GABRB3: variants seen among roughly 807,000 people sequenced by gnomAD.
GABRB3 encodes gamma-aminobutyric acid receptor subunit beta-3.
In GABRB3, 14 loss-of-function variants were observed where a neutral mutation model predicts 52.1. The ratio of observed to expected loss-of-function variants is 0.27; its 90% CI spans 0.18 to 0.42. The LOEUF is 0.42. Among genes scored for constraint, GABRB3 ranks in the 10% least tolerant of loss-of-function variants. The probability of loss-of-function intolerance (pLI) is 1.00; values close to 1 mark genes in which losing one functional copy is unlikely to be tolerated. For missense variants in GABRB3, 307 were observed against 609.1 expected (o/e 0.50, Z 5.22); for synonymous variants, 260 against 232.3 (o/e 1.12, Z -1.08).
chr15:26,671,244 T>C (rs1450523892), intron 3 of GABRB3, among the ~76,000 whole-genome samples: 1 of 152,226 alleles, frequency 6.6e-6, no homozygotes, highest in Non-Finnish European at 1.5e-5. Flanking sequence ...TAAAATTTTT[T>C]CCATGATAAA....
intron 4 of GABRB3, among the ~76,000 whole-genome samples, chr15:26,593,981 AATAT>A (rs61218096): frequency 0.025 from 3,335 of 133,952 alleles, 138 homozygotes; most frequent in African/African-American, 0.085. Context: ...CTCATTTTAA[AATAT>A]ATATATATAT....
At chr15:26,738,249 A>AT (rs745871709) in intron 3 of GABRB3, among the ~76,000 whole-genome samples, 76 of 152,078 alleles carry the variant, frequency 5.0e-4, no homozygotes, top group Non-Finnish European at 8.1e-4. Flanking sequence ...TGCCTGGCTA[A>AT]TATTTGTATT....
chr15:26,725,911 T>C (rs374663635), intron 3 of GABRB3, among the ~76,000 whole-genome samples: 1 of 152,212 alleles, frequency 6.6e-6, no homozygotes, highest in Non-Finnish European at 1.5e-5. Context: ...AGACAATCTG[T>C]GGTTGTTCAG....
At chr15:26,645,981 CAA>C (rs894560639) in intron 3 of GABRB3, among the ~76,000 whole-genome samples, 6 of 147,940 alleles carry the variant, frequency 4.1e-5, no homozygotes, top group African/African-American at 1.5e-4. Context: ...AAAAAAAAAA[CAA>C]TATATGAAAA....
At chr15:26,728,751 T>C (rs943990933) in intron 3 of GABRB3, among the ~76,000 whole-genome samples, 7 of 152,224 alleles carry the variant, frequency 4.6e-5, no homozygotes, top group African/African-American at 1.4e-4. Flanking sequence ...AGGACTCTCA[T>C]GTTGTTACCT....
rs552593988 is a variant in GABRB3, at chr15:26,755,315, A to AT, written c.240+17086dup. On this transcript the variant is annotated intron_variant, in intron 3 of 8. Transcript: ENST00000311550. The stretch of plus-strand genomic sequence containing the variant: ...CCACCGCACCCGGCCACCCCTAACA[A>AT]TTTTTTTCCCAACTTCTTAGGCCTG... Among the ~76,000 whole-genome samples, 343 of 151,880 alleles carry AT rather than the reference A, an allele frequency of 2.3e-3. 1 individual carries two copies. Among genetic ancestry groups the AT allele is most frequent in the African/African-American group, 8.0e-3 (330 of 41,402 alleles).
chr15:26,646,146 T>C (rs1017114896), intron 3 of GABRB3, among the ~76,000 whole-genome samples: 1 of 152,168 alleles, frequency 6.6e-6, no homozygotes, highest in African/African-American at 2.4e-5. Context: ...CATGCATCCA[T>C]GACTGCAGTC....
At chr15:26,627,020 G>C (rs1052529614) in intron 3 of GABRB3, among the ~76,000 whole-genome samples, 1 of 152,178 alleles carries the variant, frequency 6.6e-6, no homozygotes, top group African/African-American at 2.4e-5. Flanking sequence ...TGACTCTCTT[G>C]CTAGGGGCTA....
At chr15:26,764,378 G>T (rs1351622126) in intron 3 of GABRB3, among the ~76,000 whole-genome samples, 1 of 151,410 alleles carries the variant, frequency 6.6e-6, no homozygotes, top group African/African-American at 2.4e-5. Flanking sequence ...TTAAAGAACT[G>T]TGATGTTCTC....
At chr15:26,599,614 C>T (rs1891515561) in intron 4 of GABRB3, among the ~76,000 whole-genome samples, 1 of 152,346 alleles carries the variant, frequency 6.6e-6, no homozygotes, top group South Asian at 2.1e-4. Flanking sequence ...AGAGACCCAT[C>T]AACCACAGAA....
At chr15:26,748,284 C>G (rs1396792605) in intron 3 of GABRB3, among the ~76,000 whole-genome samples, 2 of 152,124 alleles carry the variant, frequency 1.3e-5, no homozygotes, top group African/African-American at 4.8e-5. Context: ...AGACTGCATA[C>G]AGCTAGTAAT....
intron 3 of GABRB3, among the ~76,000 whole-genome samples, chr15:26,756,058 G>A (rs892242113): frequency 4.6e-5 from 7 of 152,126 alleles, no homozygotes; most frequent in African/African-American, 1.7e-4. Flanking sequence ...TATGTACAGT[G>A]TGTAAATAAT....
At chr15:26,552,574 T>C (rs1889517435) in intron 8 of GABRB3, among the ~76,000 whole-genome samples, 3 of 152,132 alleles carry the variant, frequency 2.0e-5, no homozygotes, top group Non-Finnish European at 2.9e-5. Context: ...GGCCACATCT[T>C]CCTGCCCAAG....
intron 8 of GABRB3, among the ~76,000 whole-genome samples, chr15:26,549,891 C>T (rs923576401): frequency 1.5e-4 from 23 of 152,146 alleles, no homozygotes; most frequent in African/African-American, 5.3e-4. Context: ...TATCTCCTTG[C>T]CAGTTGACTT....
intron 4 of GABRB3, among the ~76,000 whole-genome samples, chr15:26,609,496 T>C (rs913416854): frequency 2.0e-5 from 3 of 152,266 alleles, no homozygotes; most frequent in Admixed American, 1.3e-4. Flanking sequence ...ATTTTAAAAC[T>C]CTCATAAGTC....
intron 3 of GABRB3, among the ~76,000 whole-genome samples, chr15:26,753,673 T>C (rs1049650105): frequency 2.1e-4 from 32 of 152,350 alleles, no homozygotes; most frequent in Admixed American, 2.0e-3. Flanking sequence ...AGATACTTTC[T>C]ATTTCCTATA....
At chr15:26,765,338 C>T (rs1890968131) in intron 3 of GABRB3, among the ~76,000 whole-genome samples, 1 of 151,988 alleles carries the variant, frequency 6.6e-6, no homozygotes, top group African/African-American at 2.4e-5. Context: ...TAAAAGTTCC[C>T]CAGTGAAAGG....
At chr15:26,741,550 T>C (rs1418761246) in intron 3 of GABRB3, among the ~76,000 whole-genome samples, 6 of 152,322 alleles carry the variant, frequency 3.9e-5, no homozygotes, top group Admixed American at 3.9e-4. Context: ...CCATCCTACG[T>C]ATGCTGGTTT....
intron 4 of GABRB3, among the ~76,000 whole-genome samples, chr15:26,595,929 G>C (rs1393480588): frequency 6.6e-6 from 1 of 152,118 alleles, no homozygotes; most frequent in Non-Finnish European, 1.5e-5. Context: ...CCACCATCTT[G>C]TCTCACTGCT....
Sources: allele counts gnomAD v4.1 joint callset (sites outside exome capture counted in the v4.1 genomes callset), GRCh38; gene constraint gnomAD v4.1.1; transcripts MANE v1.5; gene names NCBI Gene and HGNC (gene_info 2026-07-23, HGNC 2026-07-21).